KIAA1549: variants seen among roughly 807,000 people sequenced by gnomAD.
The protein encoded by KIAA1549 is UPF0606 protein KIAA1549.
A neutral mutation model predicts 156.4 loss-of-function variants in KIAA1549; 70 were observed. The observed-to-expected ratio is 0.45, with a 90% CI of 0.37 to 0.55. The LOEUF is 0.55. Ranked by LOEUF, KIAA1549 falls within the 20% of genes least tolerant of loss-of-function variation. The pLI is 0.00. For missense variants in KIAA1549, 2,428 were observed against 2,540.9 expected, an observed-to-expected ratio of 0.96 and a Z score of 0.96; for synonymous variants, 1,103 against 1,066.4, an observed-to-expected ratio of 1.03 and a Z score of -0.67.
chr7:138,958,788 C>T (rs1446645169), intron 1 of KIAA1549, among the ~76,000 whole-genome samples: 2 of 152,202 alleles, frequency 1.3e-5, no homozygotes, highest in Admixed American at 6.5e-5. Flanking sequence ...ATGATCCAAA[C>T]AAACCAGTAT....
In KIAA1549 at chr7:138,917,143, A is replaced by G. The variant is rs764527534; in HGVS notation, c.2483T>C (p.Phe828Ser). The change falls in exon 2 of 20, where the codon TTC becomes TCC. Residue 828 changes from phenylalanine (F) to serine (S), a missense_variant. By Grantham distance (155) the Phe-to-Ser change is radical. Around this residue, in one of 5 missense-constraint regions of KIAA1549, gnomAD observed 762 missense variants for 901.6 expected, o/e 0.85. Coordinates refer to ENST00000422774, the MANE Select transcript of KIAA1549 (RefSeq NM_001164665.2). ...LDGHVSVLAS[F>S]SKAIPTGTVL... Reference sequence around the variant, plus strand: ...CGTACCAGTGGGAATGGCTTTGGAGAAAGAGGCCAGGACAGACACGTGACC... The same window carrying G: ...CGTACCAGTGGGAATGGCTTTGGAGGAAGAGGCCAGGACAGACACGTGACC... The G allele has an allele frequency of 3.1e-6, 5 of 1,613,388 alleles. No individual in the cohort carries two copies. In the East Asian group the frequency reaches 1.1e-4, roughly 36 times the overall value.
At chr7:138,841,804 G>A (rs1433422193) in intron 18 of KIAA1549, among the ~76,000 whole-genome samples, 1 of 151,380 alleles carries the variant, frequency 6.6e-6, no homozygotes, top group Non-Finnish European at 1.5e-5. Flanking sequence ...AGCCTCAACT[G>A]ATCCTCCCAC....
chr7:138,950,267 C>A (rs1813456745), intron 1 of KIAA1549, among the ~76,000 whole-genome samples: 1 of 152,114 alleles, frequency 6.6e-6, no homozygotes, highest in African/African-American at 2.4e-5. Context: ...TAAAAAATTT[C>A]AGAATATATA....
At position 138,892,605 on chromosome 7, in the gene KIAA1549, C is replaced by T. The variant is rs561110510; in HGVS notation, c.4032+1737G>A. On this transcript the variant is annotated intron_variant, in intron 10 of 19. Transcript: ENST00000422774. ...ATAATAAACAAAGATAGGCAACAAA[C>T]ATAACATTAATGTATAAAATGCTTT... Among the ~76,000 whole-genome samples, 70 of 152,278 alleles carry T rather than the reference C, an allele frequency of 4.6e-4. 3 individuals are homozygous for T. In the South Asian group the frequency reaches 0.014, roughly 32 times the overall value.
intron 16 of KIAA1549, among the ~76,000 whole-genome samples, chr7:138,856,675 T>G (rs1810403125): frequency 1.3e-5 from 2 of 152,210 alleles, no homozygotes; most frequent in African/African-American, 4.8e-5. Flanking sequence ...TTCTTGCTTT[T>G]CCTCTCCTGC....
chr7:138,908,038 G>A (rs1812059369), intron 5 of KIAA1549, among the ~76,000 whole-genome samples: 1 of 152,176 alleles, frequency 6.6e-6, no homozygotes, highest in African/African-American at 2.4e-5. Context: ...CCAGCGCTCC[G>A]ACGAATTTTC....
chr7:138,910,485 C>T (rs1029733826), intron 4 of KIAA1549, among the ~76,000 whole-genome samples: 1 of 151,064 alleles, frequency 6.6e-6, no homozygotes, highest in African/African-American at 2.4e-5. Context: ...GCAGTCTCCA[C>T]CTCCTGGGTT....
intron 12 of KIAA1549, among the ~76,000 whole-genome samples, chr7:138,873,632 T>C (rs1584720944): frequency 7.0e-6 from 1 of 142,624 alleles, no homozygotes; most frequent in Admixed American, 7.2e-5. Context: ...CCCTCCCTAC[T>C]GGGCTGTCAG....
chr7:138,943,166 C>T (rs1186899312), intron 1 of KIAA1549, among the ~76,000 whole-genome samples: 2 of 152,212 alleles, frequency 1.3e-5, no homozygotes, highest in Non-Finnish European at 2.9e-5. Context: ...ACAACAGTGG[C>T]AACAATGACT....
chr7:138,918,269 T>C lies in KIAA1549; in HGVS notation c.1357A>G (p.Met453Val), dbSNP rs771107184. 46 of 1,613,884 alleles carry C rather than the reference T, an allele frequency of 2.9e-5. 1 individual carries two copies. The East Asian group carries it at 4.2e-4, about 15-fold the overall frequency. Residue 453 changes from methionine to valine, a missense_variant, in exon 2 of 20, where the codon ATG becomes GTG. Around this residue, in one of 5 missense-constraint regions of KIAA1549, gnomAD observed 893 missense variants for 847.9 expected, o/e 1.05. Coordinates refer to ENST00000422774, the MANE Select transcript of KIAA1549 (RefSeq NM_001164665.2). This position sits in a 1 kb window ranked among gnomAD's most constrained non-coding sequence, Gnocchi z 4.2. ...ATGCTGCTTTCTTCCAGCACGGTCA[T>C]GCACAGAGTCTCGGCACCATCCCCT... ...GSGDGAETLC[M>V]TVLEESSISL...
intron 2 of KIAA1549, 126 bp downstream of exon 2, chr7:138,916,622 C>A (rs1027617885): frequency 6.9e-7 from 1 of 1,452,006 alleles, no homozygotes; most frequent in African/African-American, 1.4e-5. Flanking sequence ...AGGAGTACTA[C>A]CTGGGAGTTA....
chr7:138,844,874 AT>A (rs111317307), intron 17 of KIAA1549, among the ~76,000 whole-genome samples: 67 of 146,682 alleles, frequency 4.6e-4, no homozygotes, highest in Non-Finnish European at 3.5e-4. Flanking sequence ...CACAGCGGTA[AT>A]TTTTTTTTTT....
At chr7:138,926,930 T>A (rs1375429844) in intron 1 of KIAA1549, among the ~76,000 whole-genome samples, 1 of 152,146 alleles carries the variant, frequency 6.6e-6, no homozygotes, top group Non-Finnish European at 1.5e-5. Flanking sequence ...CCAACTCCCT[T>A]CCTTCCCACT....
intron 18 of KIAA1549, among the ~76,000 whole-genome samples, chr7:138,843,443 A>AT (rs1383839504): frequency 1.3e-5 from 2 of 152,140 alleles, no homozygotes; most frequent in African/African-American, 4.8e-5. Flanking sequence ...CCTAGGTACT[A>AT]TTTTCTTTTT....
At chr7:138,903,539 C>G (rs1291706894) in intron 8 of KIAA1549, 49 bp downstream of exon 8, 1 of 1,586,330 alleles carries the variant, frequency 6.3e-7, no homozygotes, top group Non-Finnish European at 8.6e-7. Context: ...CACGCAAGCG[C>G]TGTCTCTCTC....
rs983469213 is a variant in KIAA1549 at position 138,978,428 on chromosome 7, A to C, written c.187+2655T>G. ...AGCAATGCATTCAAAAGTAAGTCCA[A>C]AGCATTACAAGTTGTTTCCACAACA... On this transcript the variant is annotated intron_variant, in intron 1 of 19. Coordinates refer to ENST00000422774, the MANE Select transcript of KIAA1549 (RefSeq NM_001164665.2). 4.9e-4 allele frequency among the ~76,000 whole-genome samples: 75 copies of C among 152,242 alleles called. 6 individuals carry two copies.
At chr7:138,974,311 G>A (rs1814308459) in intron 1 of KIAA1549, among the ~76,000 whole-genome samples, 1 of 152,004 alleles carries the variant, frequency 6.6e-6, no homozygotes, top group African/African-American at 2.4e-5. Context: ...GGTGGAGGGT[G>A]GCGGTGGTCC....
At position 138,835,319 on chromosome 7, in the gene KIAA1549, G is replaced by C. The variant is rs73458272; in HGVS notation, c.*2587C>G. On this transcript the variant is annotated 3_prime_UTR_variant, in exon 20 of 20. Transcript: ENST00000422774. ...CACCAGCAGAGGGCTGGTGATCCGG[G>C]GGCCTGCTCACACCACACCATAACC... 224 of 215,760 alleles carry C rather than the reference G, an allele frequency of 1.0e-3. 2 individuals are homozygous for C. The highest frequency in any genetic ancestry group is 4.9e-3 in the African/African-American group (216 of 44,432). The allele number at this position is 215,760 out of a possible 1,614,324, so 13.4% of individuals were successfully genotyped here.
intron 13 of KIAA1549, among the ~76,000 whole-genome samples, chr7:138,870,360 TCA>T (rs1323093763): frequency 2.6e-5 from 4 of 152,066 alleles, no homozygotes; most frequent in Non-Finnish European, 5.9e-5. Context: ...GGAAAAAAAG[TCA>T]CTCGAACCTT....
Sources: allele counts gnomAD v4.1 joint callset (sites outside exome capture counted in the v4.1 genomes callset), GRCh38; gene constraint gnomAD v4.1.1; regional missense constraint gnomAD v4.1.1; non-coding constraint Gnocchi (gnomAD v3.1); transcripts MANE v1.5; gene names NCBI Gene and HGNC (gene_info 2026-07-23, HGNC 2026-07-21).